Variants in TCEANC observed in about 807,000 individuals in gnomAD.
TCEANC encodes transcription elongation factor A N-terminal and central domain-containing protein.
TCEANC carries 8 observed loss-of-function variants against 8.7 expected under a neutral mutation model. That is an observed-to-expected ratio of 0.92 (90% CI 0.54 to 1.65). TCEANC has a LOEUF of 1.65. Ranked by LOEUF, TCEANC falls within the 40% of genes most tolerant of loss-of-function variation. The pLI, the probability that TCEANC is intolerant of heterozygous loss-of-function variation, is 0.00. For missense variants in TCEANC, 255 were observed against 251.9 expected (o/e 1.01, Z -0.08); for synonymous variants, 78 against 92.9 (o/e 0.84, Z 0.92).
intron 1 of TCEANC, among the ~76,000 whole-genome samples, chrX:13,656,570 C>T (rs2045925580): frequency 8.9e-6 from 1 of 111,966 alleles, no homozygotes; most frequent in Non-Finnish European, 1.9e-5. Flanking sequence ...ATAGAATTAC[C>T]ATATGATCCA....
intron 1 of TCEANC, among the ~76,000 whole-genome samples, 25 bp from the exon 4 acceptor site, chrX:13,661,006 G>A (rs1359745147): frequency 1.8e-5 from 2 of 110,774 alleles, no homozygotes; most frequent in African/African-American, 3.3e-5. Context: ...CACCACACCC[G>A]GCTAATTTTT....
At chrX:13,662,609 A>T in exon 2 of TCEANC, 1 of 1,211,869 alleles carries the variant, frequency 8.3e-7, no homozygotes. Flanking sequence ...ACTGAGCTAG[A>T]AACAATTTAT....
exon 2 of TCEANC, chrX:13,662,802 TAAA>T (rs751011497): frequency 2.5e-6 from 3 of 1,209,782 alleles, no homozygotes; most frequent in East Asian, 3.0e-5. Context: ...TGAGGGGTAA[TAAA>T]GAAGAAAATT....
At chrX:13,654,770 C>A (rs1278244828), upstream of TCEANC, among the ~76,000 whole-genome samples, 1 of 111,608 alleles carries the variant, frequency 9.0e-6, no homozygotes, top group Non-Finnish European at 1.9e-5. Flanking sequence ...GCTTGACCTT[C>A]CTTATGCAAA....
intron 1 of TCEANC, among the ~76,000 whole-genome samples, 126 bp from the exon 4 acceptor site, chrX:13,660,905 C>T (rs900717106): frequency 9.0e-6 from 1 of 111,571 alleles, no homozygotes; most frequent in Non-Finnish European, 1.9e-5. Context: ...AGTGCAGTGG[C>T]ACGATCTTGG....
In TCEANC at chrX:13,661,264, T is replaced by C. The variant is rs1451721642; in HGVS notation, c.-8-1237T>C. ...AATACATGATTTTTAAATGGTTATA[T>C]TACTGTATCCTAGGAGTGTGCCATA... On this transcript the variant is annotated intron_variant, in intron 1 of 1. Coordinates refer to ENST00000380600, the Ensembl canonical transcript of TCEANC. Among the ~76,000 whole-genome samples the C allele has an allele frequency of 2.7e-5, 3 of 112,480 alleles. No homozygotes were observed. In the East Asian group the frequency reaches 8.2e-4, roughly 31 times the overall value.
At chrX:13,663,211 A>G (rs1242120527) in exon 2 of TCEANC, 17 of 1,204,258 alleles carry the variant, frequency 1.4e-5, no homozygotes, top group Non-Finnish European at 1.9e-5. Context: ...GAAGAACCCC[A>G]GAAATTCTCA....
exon 2 of TCEANC, chrX:13,663,503 C>T: frequency 2.6e-6 from 3 of 1,173,064 alleles, no homozygotes; most frequent in Non-Finnish European, 3.4e-6. Flanking sequence ...CAAATGATGA[C>T]TTACGTAATT....
chrX:13,661,830 C>G (rs1249221726), intron 1 of TCEANC, among the ~76,000 whole-genome samples: 1 of 111,862 alleles, frequency 8.9e-6, no homozygotes, highest in Non-Finnish European at 1.9e-5. Context: ...CATAAATCAT[C>G]TGGATCATTG....
At chrX:13,664,902 G>A (rs1303359167) in exon 2 of TCEANC, 2 of 122,953 alleles carry the variant, frequency 1.6e-5, no homozygotes, top group Admixed American at 9.5e-5. Flanking sequence ...GTTTACTTTG[G>A]CGGTCTCTAC....
At chrX:13,661,960 T>C (rs1405084554) in intron 1 of TCEANC, among the ~76,000 whole-genome samples, 3 of 112,109 alleles carry the variant, frequency 2.7e-5, no homozygotes, top group African/African-American at 9.7e-5. Flanking sequence ...CACATTTTCC[T>C]TAGATTGCTT....
At chrX:13,662,244 G>A (rs936275010) in intron 1 of TCEANC, among the ~76,000 whole-genome samples, 2 of 111,871 alleles carry the variant, frequency 1.8e-5, no homozygotes, top group African/African-American at 3.2e-5. Flanking sequence ...CCTCCGGCAA[G>A]CCTCTTAAGC....
At chrX:13,662,535 C>T (rs1227744167) in exon 2 of TCEANC, 2 of 1,210,236 alleles carry the variant, frequency 1.7e-6, no homozygotes, top group Admixed American at 4.4e-5. Context: ...AGATAGCTGC[C>T]AGAGCTTCTC....
intron 1 of TCEANC, among the ~76,000 whole-genome samples, chrX:13,658,282 G>T (rs1359960885): frequency 1.8e-5 from 2 of 111,640 alleles, no homozygotes; most frequent in Admixed American, 9.5e-5. Context: ...TATACTAAAA[G>T]CCACTGAATT....
At chrX:13,653,700 C>T (rs770261133), upstream of TCEANC, among the ~76,000 whole-genome samples, 13 of 111,568 alleles carry the variant, frequency 1.2e-4, no homozygotes, top group Admixed American at 9.4e-4. Context: ...TCTCTTTAGG[C>T]TTTAAAGAGA....
At chrX:13,660,931 G>A (rs1216839120) in intron 1 of TCEANC, among the ~76,000 whole-genome samples, 100 bp from the exon 4 acceptor site, 3 of 111,572 alleles carry the variant, frequency 2.7e-5, no homozygotes, top group African/African-American at 9.8e-5. Context: ...TGCAAACTCC[G>A]CCTTCCAGGT....
chrX:13,659,710 C>G (rs1431205466), intron 1 of TCEANC: 1 of 110,985 alleles, frequency 9.0e-6, no homozygotes, highest in Non-Finnish European at 1.8e-5. Flanking sequence ...ACCGCAAACT[C>G]TGCCTCCCGG....
upstream of TCEANC, among the ~76,000 whole-genome samples, chrX:13,653,808 G>A (rs2045902422): frequency 9.0e-6 from 1 of 111,601 alleles, no homozygotes; most frequent in African/African-American, 3.3e-5. Context: ...CAGGGTTTAG[G>A]CCATTTTTGT....
Position 13,663,350 on chromosome X carries a change from A to G in TCEANC, c.842A>G (p.His281Arg), listed in dbSNP as rs1401629547. 2 of 1,196,119 alleles carry G rather than the reference A, an allele frequency of 1.7e-6. No individual in the cohort carries two copies. The highest frequency in any genetic ancestry group is 3.0e-5 in the East Asian group (1 of 33,317). The change falls in exon 2 of 2, where the codon CAT becomes CGT. Residue 281 changes from histidine to arginine, a missense_variant. His to Arg is a conservative substitution (Grantham distance 29). Transcript: ENST00000380600. ...TACACGGAATCTTGTATCCAGGAAC[A>G]TTACCTTCCCCAAGTAATTGATGGC...
Sources: allele counts gnomAD v4.1 joint callset (sites outside exome capture counted in the v4.1 genomes callset), GRCh38; gene constraint gnomAD v4.1.1; transcripts MANE v1.5; gene names NCBI Gene and HGNC (gene_info 2026-07-23, HGNC 2026-07-21).